Variants in ACOT11 observed in about 807,000 individuals in gnomAD.
ACOT11 encodes acyl-CoA thioesterase 11, also known as acyl-coenzyme A thioesterase 11.
ACOT11 carries 69 observed loss-of-function variants against 77.5 expected under a neutral mutation model. That is an observed-to-expected ratio of 0.89 (90% confidence interval 0.73 to 1.09). The LOEUF (loss-of-function observed/expected upper bound fraction) is 1.09. Ranked by LOEUF, ACOT11 falls within the 50% of genes least tolerant of loss-of-function variation. The pLI, the probability that ACOT11 is intolerant of heterozygous loss-of-function variation, is 0.00. For synonymous variants in ACOT11, 279 were observed against 313.0 expected (o/e 0.89, Z 1.15); for missense variants, 766 against 813.7 (o/e 0.94, Z 0.71).
At chr1:54,565,947 A>G (rs1653717128) in intron 1 of ACOT11, among the ~76,000 whole-genome samples, 1 of 152,040 alleles carries the variant, frequency 6.6e-6, no homozygotes, top group Non-Finnish European at 1.5e-5. Flanking sequence ...AATTCACTCT[A>G]ACTGGACTCC....
intron 1 of ACOT11, among the ~76,000 whole-genome samples, chr1:54,568,200 A>AGC (rs1653803145): frequency 6.6e-6 from 1 of 152,016 alleles, no homozygotes; most frequent in Admixed American, 6.6e-5. Context: ...AGCCTCTTTG[A>AGC]TTACACAGCC....
At chr1:54,622,661 T>A (rs921351562) in intron 15 of ACOT11, among the ~76,000 whole-genome samples, 1 of 150,918 alleles carries the variant, frequency 6.6e-6, no homozygotes, top group Non-Finnish European at 1.5e-5. Flanking sequence ...ACCACTTAGA[T>A]CCAGGAGGCC....
chr1:54,579,824 C>A (rs1654241570), intron 1 of ACOT11, among the ~76,000 whole-genome samples: 1 of 152,212 alleles, frequency 6.6e-6, no homozygotes, highest in Non-Finnish European at 1.5e-5. Context: ...TTTTTGAATT[C>A]TCACAGAACC....
intron 8 of ACOT11, among the ~76,000 whole-genome samples, chr1:54,600,997 T>G (rs1643954296): frequency 6.6e-6 from 1 of 152,182 alleles, no homozygotes; most frequent in Non-Finnish European, 1.5e-5. Context: ...CTGTAAACAA[T>G]GGTGGAGGGA....
intron 9 of ACOT11, among the ~76,000 whole-genome samples, chr1:54,601,949 C>A (rs1643969558): frequency 6.6e-6 from 1 of 152,234 alleles, no homozygotes; most frequent in African/African-American, 2.4e-5. Flanking sequence ...CAAAATGCTC[C>A]CTGTGCCTCC....
At chr1:54,585,541 C>T (rs1250651801) in intron 2 of ACOT11, among the ~76,000 whole-genome samples, 1 of 152,198 alleles carries the variant, frequency 6.6e-6, no homozygotes, top group East Asian at 1.9e-4. Context: ...ATGTGCCAGG[C>T]ACTGTTCCAG....
chr1:54,598,035 G>A (rs1269168320), intron 7 of ACOT11: 1 of 152,798 alleles, frequency 6.5e-6, no homozygotes, highest in African/African-American at 2.4e-5. Context: ...TGCTCTTGCT[G>A]TTCCCTCTAC....
chr1:54,565,920 C>T (rs1199008462), intron 1 of ACOT11, among the ~76,000 whole-genome samples: 1 of 152,128 alleles, frequency 6.6e-6, no homozygotes, highest in Admixed American at 6.6e-5. Flanking sequence ...CATGGTATTA[C>T]CTCTCATTCT....
At chr1:54,615,718 C>T (rs535008976) in intron 15 of ACOT11, among the ~76,000 whole-genome samples, 2 of 152,224 alleles carry the variant, frequency 1.3e-5, no homozygotes, top group South Asian at 2.1e-4. Flanking sequence ...GAACATGTTA[C>T]GTCCAGTTCT....
intron 8 of ACOT11, among the ~76,000 whole-genome samples, chr1:54,600,727 A>C (rs1487026052): frequency 6.6e-6 from 1 of 152,216 alleles, no homozygotes; most frequent in African/African-American, 2.4e-5. Context: ...AAGATACATG[A>C]ATAGCAGCAA....
chr1:54,575,144 C>T (rs1000174730), intron 1 of ACOT11, among the ~76,000 whole-genome samples: 3 of 152,170 alleles, frequency 2.0e-5, no homozygotes, highest in African/African-American at 4.8e-5. Flanking sequence ...CTCGTGGTGC[C>T]GAGGAAAGGG....
chr1:54,615,745 G>A (rs1416762859), intron 15 of ACOT11, among the ~76,000 whole-genome samples: 1 of 152,214 alleles, frequency 6.6e-6, no homozygotes, highest in Non-Finnish European at 1.5e-5. Flanking sequence ...ACAGGAGGGA[G>A]CACTCTGAGC....
rs1252387771 is a variant in ACOT11, at chr1:54,609,158, CCCAA to C, written c.*47_*50del. On this transcript the variant is annotated 3_prime_UTR_variant, in exon 16 of 16. Coordinates refer to ENST00000343744, the MANE Select transcript of ACOT11 (RefSeq NM_147161.4). ...ATGCCCACTCCCACTCCATCCTGTC[CCCAA>C]GGACTCACATACAGTGCCTGGAGAA... The C allele has an allele frequency of 9.9e-6, 16 of 1,612,496 alleles. No individual in the cohort carries two copies. Among genetic ancestry groups the C allele is most frequent in the Non-Finnish European group, 1.4e-5 (16 of 1,179,172 alleles).
At chr1:54,614,997 G>GCAC, downstream of ACOT11, 1 of 810,816 alleles carries the variant, frequency 1.2e-6, no homozygotes, top group Non-Finnish European at 1.9e-6. Context: ...GGAAGGACCA[G>GCAC]CACCACATCC....
chr1:54,562,200 C>T (rs1216971081), intron 1 of ACOT11, among the ~76,000 whole-genome samples: 15 of 81,026 alleles, frequency 1.9e-4, no homozygotes, highest in East Asian at 3.8e-4. Flanking sequence ...CCAGACGGGG[C>T]GGCTGGCCGG....
At chr1:54,614,144 G>T (rs1644146540), downstream of ACOT11, among the ~76,000 whole-genome samples, 1 of 152,216 alleles carries the variant, frequency 6.6e-6, no homozygotes, top group African/African-American at 2.4e-5. Flanking sequence ...GCAGTGCTAT[G>T]TAAGGATGAG....
chr1:54,561,155 G>T (rs1288144232), intron 1 of ACOT11, among the ~76,000 whole-genome samples: 1 of 144,544 alleles, frequency 6.9e-6, no homozygotes, highest in East Asian at 2.0e-4. Context: ...CACAGAGGGG[G>T]ATTTGGCAGG....
chr1:54,608,505 T>C (rs1644061543), intron 15 of ACOT11, among the ~76,000 whole-genome samples: 2 of 152,120 alleles, frequency 1.3e-5, no homozygotes, highest in Non-Finnish European at 2.9e-5. Context: ...ATTAGGGCCC[T>C]GCAGCCTGGG....
chr1:54,576,798 G>A (rs1279112993), intron 1 of ACOT11, among the ~76,000 whole-genome samples: 3 of 151,898 alleles, frequency 2.0e-5, no homozygotes, highest in Non-Finnish European at 4.4e-5. Context: ...TGGAGGTGTG[G>A]GCAGGGGTGG....
Sources: gnomAD v4.1 joint callset for allele counts (sites outside exome capture counted in the v4.1 genomes callset) on GRCh38, gnomAD v4.1.1 for gene constraint, MANE v1.5 for transcripts, NCBI Gene and HGNC (gene_info 2026-07-23, HGNC 2026-07-21) for gene names.